Variants in MIA2 observed in about 807,000 individuals in gnomAD.
The protein encoded by MIA2 is MIA SH3 domain ER export factor 2.
A neutral mutation model predicts 167.8 loss-of-function variants in MIA2; 127 were observed. The observed-to-expected ratio is 0.76, with a 90% CI of 0.66 to 0.88. MIA2 has a LOEUF of 0.88. MIA2 is among the 40% of genes least tolerant of loss of function. The pLI is 0.00. For missense variants in MIA2, 1,690 were observed against 1,624.7 expected, an observed-to-expected ratio of 1.04 and a Z score of -0.69; for synonymous variants, 552 against 541.9, an observed-to-expected ratio of 1.02 and a Z score of -0.26.
intron 6 of MIA2, chr14:39,266,014 T>G: frequency 1.0e-6 from 1 of 985,484 alleles, no homozygotes; most frequent in Non-Finnish European, 1.2e-6. Context: ...GGCCGCATTT[T>G]GGTCCTGAAA....
At chr14:39,356,588 G>T (rs564269415) in intron 23 of MIA2, among the ~76,000 whole-genome samples, 2 of 151,872 alleles carry the variant, frequency 1.3e-5, no homozygotes, top group African/African-American at 4.8e-5. Flanking sequence ...ATTTCTTGCC[G>T]TCTGCTGGCT....
At chr14:39,355,482 A>AT (rs1479446723), downstream of MIA2, among the ~76,000 whole-genome samples, 1 of 152,158 alleles carries the variant, frequency 6.6e-6, no homozygotes, top group East Asian at 1.9e-4. Context: ...TAGATATACA[A>AT]TCATGTCCCC....
chr14:39,350,185 G>A lies in MIA2; in HGVS notation c.4160G>A (p.Arg1387Lys), dbSNP rs960463482. The A allele has an allele frequency of 6.9e-7, 1 of 1,458,150 alleles. No individual in the cohort carries two copies. Among genetic ancestry groups the A allele is most frequent in the Non-Finnish European group, 9.3e-7 (1 of 1,069,934 alleles). 90.3% of individuals were successfully genotyped at this position (1,458,150 alleles called of 1,614,324 possible). Reference protein sequence around the residue: ...FFPPPPHSEGRSEFPSGLIPP... With the variant: ...FFPPPPHSEGKSEFPSGLIPP... ...CCCCCACCCCCACATTCTGAAGGTA[G>A]AAGTGAGTTCCCCTCAGGTTTGATT... is the stretch of plus-strand genomic sequence containing the variant. Residue 1387 changes from arginine (R) to lysine (K), a missense_variant, in exon 29 of 29, where the codon AGA (arginine) becomes AAA (lysine). Arg to Lys is a conservative substitution (Grantham distance 26). Transcript: ENST00000640607.
chr14:39,309,233 C>T (rs1460726535), intron 18 of MIA2, among the ~76,000 whole-genome samples: 1 of 152,196 alleles, frequency 6.6e-6, no homozygotes, highest in African/African-American at 2.4e-5. Context: ...ACTGTGTTTT[C>T]TCTGCAACAT....
intron 19 of MIA2, among the ~76,000 whole-genome samples, chr14:39,314,477 A>C (rs111881947): frequency 2.8e-3 from 427 of 152,086 alleles, no homozygotes; most frequent in Non-Finnish European, 4.8e-3. Context: ...TACCACGTAA[A>C]TATTTATGTG....
rs568170700 is a variant in MIA2, at chr14:39,350,498, A to T, written c.*234A>T. The stretch of plus-strand genomic sequence containing the variant: ...AATTTGATTAATCCACTATTATATA[A>T]ACAATAGTGGGAGTTTTATATATGT... On this transcript the variant is annotated 3_prime_UTR_variant, in exon 29 of 29. Coordinates refer to ENST00000640607, the MANE Select transcript of MIA2 (RefSeq NM_001329214.4). 2 of 372,052 alleles carry T rather than the reference A, an allele frequency of 5.4e-6. No homozygotes were observed. Among genetic ancestry groups the T allele is most frequent in the South Asian group, 2.6e-4 (2 of 7,680 alleles). 23.0% of individuals were successfully genotyped at this position (372,052 alleles called of 1,614,324 possible). A position where few individuals can be genotyped will look rare whatever the true frequency, so the allele number is the denominator to read the frequency against.
At chr14:39,280,686 T>C (rs1335278201) in intron 9 of MIA2, among the ~76,000 whole-genome samples, 1 of 152,006 alleles carries the variant, frequency 6.6e-6, no homozygotes, top group African/African-American at 2.4e-5. Flanking sequence ...GAGCCGAGAT[T>C]GTGCCACTGC....
At chr14:39,353,100 T>C (rs544679673), downstream of MIA2, among the ~76,000 whole-genome samples, 1 of 152,294 alleles carries the variant, frequency 6.6e-6, no homozygotes, top group South Asian at 2.1e-4. Context: ...GTGAGGTACA[T>C]GTGAGTGTTA....
At chr14:39,384,170 T>C (rs1417417828) in intron 23 of MIA2, among the ~76,000 whole-genome samples, 1 of 152,180 alleles carries the variant, frequency 6.6e-6, no homozygotes, top group Non-Finnish European at 1.5e-5. Flanking sequence ...TTAATGCAAC[T>C]GGTCACTTTA....
chr14:39,261,264 T>A (rs541460846), intron 6 of MIA2, among the ~76,000 whole-genome samples: 1 of 152,252 alleles, frequency 6.6e-6, no homozygotes, highest in African/African-American at 2.4e-5. Flanking sequence ...CTTGCGATAG[T>A]TTGCTCAAAA....
chr14:39,315,602 C>T (rs2065258949), intron 20 of MIA2, 81 bp from the exon 21 acceptor site: 1 of 1,081,076 alleles, frequency 9.3e-7, no homozygotes, highest in Admixed American at 2.2e-5. Context: ...GAGTTGTGCA[C>T]TACATCATAG....
chr14:39,246,861 A>G (rs202123866), intron 3 of MIA2, 50 bp from the exon 4 acceptor site: 1 of 1,032,272 alleles, frequency 9.7e-7, no homozygotes, highest in Non-Finnish European at 1.4e-6. Context: ...GGGAGAAACA[A>G]GGAGCTCTAG....
chr14:39,281,223 C>A (rs1488443198), intron 9 of MIA2, among the ~76,000 whole-genome samples: 5 of 152,112 alleles, frequency 3.3e-5, no homozygotes, highest in African/African-American at 4.8e-5. Flanking sequence ...CCGTGCTCTA[C>A]CTTTTATTAG....
At chr14:39,371,912 A>G (rs1346993440) in intron 23 of MIA2, among the ~76,000 whole-genome samples, 2 of 151,504 alleles carry the variant, frequency 1.3e-5, no homozygotes, top group Non-Finnish European at 2.9e-5. Flanking sequence ...CTAAGCTTAC[A>G]TGGTATTTAG....
At chr14:39,361,027 A>G (rs924147057) in intron 23 of MIA2, among the ~76,000 whole-genome samples, 5 of 152,136 alleles carry the variant, frequency 3.3e-5, no homozygotes, top group African/African-American at 7.2e-5. Context: ...TTTTATACCA[A>G]TACTATGCTG....
chr14:39,353,518 G>A (rs1208688142), downstream of MIA2, among the ~76,000 whole-genome samples: 1 of 152,118 alleles, frequency 6.6e-6, no homozygotes, highest in Non-Finnish European at 1.5e-5. Flanking sequence ...TGCAAATGAT[G>A]TGATTTCATT....
rs768536134 is a variant in MIA2 at position 39,237,013 on chromosome 14, T to C, written c.207T>C (p.Tyr69=). Residue 69 remains tyrosine (Y), a synonymous_variant, in exon 2 of 29, where the codon TAT becomes TAC. Transcript: ENST00000640607. ...CTAAGGGAGAAGAGATATCTGTTTA[T>C]GTTAAACTTGCAGGAGAAAGGGAAG... ...NFTKGEEISV[Y]VKLAGEREDL... is the part of the protein sequence containing the mutation. The C allele has an allele frequency of 1.2e-6, 2 of 1,614,066 alleles. No individual in the cohort carries two copies. The highest frequency in any genetic ancestry group is 1.7e-6 in the Non-Finnish European group (2 of 1,180,022).
intron 24 of MIA2, among the ~76,000 whole-genome samples, chr14:39,321,283 T>A (rs1251241188): frequency 2.0e-5 from 3 of 152,106 alleles, no homozygotes; most frequent in Admixed American, 6.5e-5. Flanking sequence ...AAGGACTTGA[T>A]GTGTATCTTT....
At chr14:39,275,139 T>TTGTGTG (rs67380839) in intron 6 of MIA2, among the ~76,000 whole-genome samples, 1,696 of 126,698 alleles carry the variant, frequency 0.013, 48 homozygotes, top group African/African-American at 0.046. Context: ...CCTTAATCCT[T>TTGTGTG]TGTGTGTGTG....
Sources: allele counts gnomAD v4.1 joint callset (sites outside exome capture counted in the v4.1 genomes callset), GRCh38; gene constraint gnomAD v4.1.1; transcripts MANE v1.5; gene names NCBI Gene and HGNC (gene_info 2026-07-23, HGNC 2026-07-21).